The following VSTM2L variants were observed in gnomAD, a reference collection of about 807,000 sequenced individuals.
The protein encoded by VSTM2L is V-set and transmembrane domain containing 2 like, also known as V-set and transmembrane domain-containing protein 2-like protein.
A neutral mutation model predicts 19.9 loss-of-function variants in VSTM2L; 9 were observed. That is an observed-to-expected ratio of 0.45 (90% confidence interval 0.27 to 0.79). The LOEUF is 0.79. Ranked by LOEUF, VSTM2L falls within the 30% of genes least tolerant of loss-of-function variation. VSTM2L has a pLI of 0.15. For missense variants in VSTM2L, 286 were observed against 295.5 expected, an observed-to-expected ratio of 0.97 and a Z score of 0.24; for synonymous variants, 127 against 133.8, an observed-to-expected ratio of 0.95 and a Z score of 0.35.
intron 3 of VSTM2L, among the ~76,000 whole-genome samples, chr20:37,934,396 G>A (rs575176258): frequency 6.6e-6 from 1 of 152,322 alleles, no homozygotes; most frequent in East Asian, 1.9e-4. Context: ...ACGAGGCAAG[G>A]TTTGTGCATG....
intron 1 of VSTM2L, among the ~76,000 whole-genome samples, chr20:37,903,905 G>A (rs368353573): frequency 1.3e-5 from 2 of 152,148 alleles, no homozygotes; most frequent in Non-Finnish European, 2.9e-5. Context: ...CACACGCTTC[G>A]CCACAACTCT....
At chr20:37,919,841 G>A (rs537996650) in intron 1 of VSTM2L, among the ~76,000 whole-genome samples, 1,883 of 137,692 alleles carry the variant, frequency 0.014, 29 homozygotes, top group African/African-American at 0.062. Flanking sequence ...CCTTGATGCT[G>A]TGTGATCTCA....
At chr20:37,914,405 T>G in intron 1 of VSTM2L, among the ~76,000 whole-genome samples, 1 of 151,578 alleles carries the variant, frequency 6.6e-6, no homozygotes, top group Admixed American at 6.6e-5. Context: ...TGTATGTATG[T>G]GTGGGTATGT....
In VSTM2L at chr20:37,915,517, C is replaced by G. The variant is rs186278468; in HGVS notation, c.121+12046C>G. Among the ~76,000 whole-genome samples the G allele has an allele frequency of 2.3e-3, 344 of 152,178 alleles. 2 individuals carry two copies. The highest frequency in any genetic ancestry group is 7.2e-3 in the African/African-American group (300 of 41,520). On this transcript the variant is annotated intron_variant, in intron 1 of 3. Coordinates refer to ENST00000373461, the MANE Select transcript of VSTM2L (RefSeq NM_080607.3). ...GAGGTGACAGGAGAGCAGCCTGATC[C>G]TGTCCGGGAGCCCACTGTGTGCCTG...
intron 3 of VSTM2L, among the ~76,000 whole-genome samples, chr20:37,935,715 C>T (rs2072935738): frequency 6.6e-6 from 1 of 152,022 alleles, no homozygotes; most frequent in Non-Finnish European, 1.5e-5. Flanking sequence ...GACTGTCTCC[C>T]CTAGAGATGA....
In VSTM2L at chr20:37,903,376, TG is replaced by T; in HGVS notation, c.29del (p.Gly10AlafsTer41). 1 of 1,482,084 alleles carries T rather than the reference TG, an allele frequency of 6.7e-7. No homozygotes were observed. The allele number at this position is 1,482,084 out of a possible 1,614,324, so 91.8% of individuals were successfully genotyped here. On this transcript the variant is annotated frameshift_variant, in exon 1 of 4. Transcript: ENST00000373461. LOFTEE classifies it high-confidence loss of function. MGAPLAVALGALHYLALFL... is the reference protein window; with the variant it reads MGAPLAVAXGALHYLALFL... The stretch of plus-strand genomic sequence containing the variant: ...ATGGGGGCCCCGCTCGCCGTAGCGC[TG>T]GGCGCCCTCCACTACCTGGCACTTT...
Position 37,944,429 on chromosome 20 carries a change from A to AC in VSTM2L, c.*180dup. ...CTTGCTCAGCATGTAAGCCCCACCC[A>AC]CCCCTGCCCTTTCAGACCCCTGCGG... On this transcript the variant is annotated 3_prime_UTR_variant, in exon 4 of 4. Coordinates refer to ENST00000373461, the MANE Select transcript of VSTM2L (RefSeq NM_080607.3). The AC allele has an allele frequency of 2.0e-6, 1 of 501,676 alleles. No individual in the cohort carries two copies. The highest frequency in any genetic ancestry group is 3.0e-6 in the Non-Finnish European group (1 of 330,572). 31.1% of individuals were successfully genotyped at this position (501,676 alleles called of 1,614,324 possible).
Position 37,944,624 on chromosome 20 carries a change from C to T in VSTM2L, c.*371C>T. On this transcript the variant is annotated 3_prime_UTR_variant, in exon 4 of 4. Transcript: ENST00000373461. The stretch of plus-strand genomic sequence containing the variant: ...CCCCATCCTGTCCTGAGCCGGGGCC[C>T]CCCAGCCTCGCCTCCCTCCTCCTAC... 1 of 1,031,134 alleles carries T rather than the reference C, an allele frequency of 9.7e-7. No individual in the cohort carries two copies. The highest frequency in any genetic ancestry group is 4.6e-5 in the South Asian group (1 of 21,738). The allele number at this position is 1,031,134 out of a possible 1,614,324, so 63.9% of individuals were successfully genotyped here. A position where few individuals can be genotyped will look rare whatever the true frequency, so the allele number is the denominator to read the frequency against.
At chr20:37,929,591 G>T (rs1315528290) in intron 1 of VSTM2L, among the ~76,000 whole-genome samples, 4 of 152,186 alleles carry the variant, frequency 2.6e-5, no homozygotes, top group African/African-American at 9.7e-5. Context: ...TTTATGTTTT[G>T]TCAAGGTACG....
At chr20:37,917,467 G>A (rs1295933544) in intron 1 of VSTM2L, among the ~76,000 whole-genome samples, 1 of 152,250 alleles carries the variant, frequency 6.6e-6, no homozygotes, top group East Asian at 1.9e-4. Context: ...TTCCACCAGG[G>A]AACAGCGGTT....
At position 37,945,152 on chromosome 20, in the gene VSTM2L, C is replaced by A; in HGVS notation, c.*899C>A. 1 of 985,696 alleles carries A rather than the reference C, an allele frequency of 1.0e-6. No homozygotes were observed. The highest frequency in any genetic ancestry group is 1.2e-6 in the Non-Finnish European group (1 of 829,942). The allele number at this position is 985,696 out of a possible 1,614,324, so 61.1% of individuals were successfully genotyped here. Reference sequence around the variant, plus strand: ...CTCACGATTCCCGATCACGGGCACACCTGCCCCCTGGTTATTTGTAAATAT... The same window carrying A: ...CTCACGATTCCCGATCACGGGCACAACTGCCCCCTGGTTATTTGTAAATAT... On this transcript the variant is annotated 3_prime_UTR_variant, in exon 4 of 4. Coordinates refer to ENST00000373461, the MANE Select transcript of VSTM2L (RefSeq NM_080607.3).
chr20:37,943,972 C>T lies in VSTM2L; in HGVS notation c.343-9C>T, dbSNP rs1373554612. The T allele has an allele frequency of 7.8e-7, 1 of 1,284,646 alleles. No individual in the cohort carries two copies. The highest frequency in any genetic ancestry group is 1.0e-6 in the Non-Finnish European group (1 of 978,032). The allele number at this position is 1,284,646 out of a possible 1,614,324, so 79.6% of individuals were successfully genotyped here. A position where few individuals can be genotyped will look rare whatever the true frequency, so the allele number is the denominator to read the frequency against. On this transcript the variant is annotated splice_polypyrimidine_tract_variant and intron_variant, in intron 3 of 3. Coordinates refer to ENST00000373461, the MANE Select transcript of VSTM2L (RefSeq NM_080607.3). ...GATGGACAGGTCACGGTCTCTCTGT[C>T]ACCCCCAGGTGGTCAAGGTGGTGGG...
chr20:37,936,656 C>G (rs1159580603), intron 3 of VSTM2L, among the ~76,000 whole-genome samples: 1 of 152,166 alleles, frequency 6.6e-6, no homozygotes, highest in Non-Finnish European at 1.5e-5. Context: ...GTGCTGACTG[C>G]CAGGCGGGGA....
chr20:37,924,290 T>C (rs2072867920), intron 1 of VSTM2L, among the ~76,000 whole-genome samples: 1 of 151,670 alleles, frequency 6.6e-6, no homozygotes, highest in African/African-American at 2.4e-5. Flanking sequence ...CGATGGCTCA[T>C]GCCTGAAATC....
At chr20:37,921,422 G>A (rs2072850446) in intron 1 of VSTM2L, among the ~76,000 whole-genome samples, 1 of 152,206 alleles carries the variant, frequency 6.6e-6, no homozygotes, top group Non-Finnish European at 1.5e-5. Flanking sequence ...GAAGGCCCCA[G>A]GCAGCCCGGA....
chr20:37,924,110 A>G (rs1343563938), intron 1 of VSTM2L, among the ~76,000 whole-genome samples: 1 of 151,896 alleles, frequency 6.6e-6, no homozygotes, highest in African/African-American at 2.4e-5. Flanking sequence ...AGTGGCATGC[A>G]CCTGTACTCC....
intron 1 of VSTM2L, among the ~76,000 whole-genome samples, chr20:37,904,714 G>T (rs2072741896): frequency 6.6e-6 from 1 of 152,230 alleles, no homozygotes; most frequent in African/African-American, 2.4e-5. Context: ...GATTTATTCT[G>T]ATGGGAGTGA....
intron 3 of VSTM2L, among the ~76,000 whole-genome samples, chr20:37,943,281 G>C (rs2072984108): frequency 6.6e-6 from 1 of 151,250 alleles, no homozygotes; most frequent in Non-Finnish European, 1.5e-5. Context: ...ACTTGGCCTG[G>C]TTTGGTTTTT....
intron 1 of VSTM2L, among the ~76,000 whole-genome samples, chr20:37,928,017 G>A (rs372412668): frequency 9.7e-4 from 148 of 152,296 alleles, no homozygotes; most frequent in African/African-American, 3.4e-3. Flanking sequence ...TTCCCCACTG[G>A]AAGAGGGGAA....
Sources: allele counts gnomAD v4.1 joint callset (sites outside exome capture counted in the v4.1 genomes callset), GRCh38; gene constraint gnomAD v4.1.1; transcripts MANE v1.5; gene names NCBI Gene and HGNC (gene_info 2026-07-23, HGNC 2026-07-21).